The following AK8 variants were observed in gnomAD, a reference collection of about 807,000 sequenced individuals.
AK8 encodes the protein ATP-AMP transphosphorylase 8.
AK8 carries 44 observed loss-of-function variants against 54.6 expected under a neutral mutation model. That is an observed-to-expected ratio of 0.81 (90% CI 0.63 to 1.04). The LOEUF (loss-of-function observed/expected upper bound fraction) is 1.04. AK8 is among the 50% of genes least tolerant of loss of function. The pLI is 0.00. For synonymous variants in AK8, 239 were observed against 245.6 expected (o/e 0.97, Z 0.25); for missense variants, 555 against 613.6 (o/e 0.90, Z 1.01).
chr9:132,863,312 C>T (rs1053427089), intron 4 of AK8, among the ~76,000 whole-genome samples: 13 of 152,252 alleles, frequency 8.5e-5, no homozygotes, highest in African/African-American at 3.1e-4. Context: ...TCTCCTGGCG[C>T]GGGCCGCCAG....
Position 132,738,778 on chromosome 9 carries a change from G to T in AK8, c.1122-11244C>A, listed in dbSNP as rs1837234274. Among the ~76,000 whole-genome samples, 2 of 127,530 alleles carry T rather than the reference G, an allele frequency of 1.6e-5. 1 individual carries two copies. The highest frequency in any genetic ancestry group is 5.0e-4 in the South Asian group (2 of 3,996). The allele number at this position is 127,530 out of a possible 152,430, so 83.7% of individuals were successfully genotyped here. A position where few individuals can be genotyped will look rare whatever the true frequency, so the allele number is the denominator to read the frequency against. ...TTTTTTTTTTTTTTTTTTTGAGACA[G>T]GGTCTCACTCTGCCCCCCCAGGCTG... is the stretch of plus-strand genomic sequence containing the variant. On this transcript the variant is annotated intron_variant, in intron 11 of 12. Coordinates refer to ENST00000298545, the MANE Select transcript of AK8 (RefSeq NM_152572.3).
At chr9:132,750,181 C>T (rs531947348) in intron 11 of AK8, among the ~76,000 whole-genome samples, 20 of 151,906 alleles carry the variant, frequency 1.3e-4, no homozygotes, top group East Asian at 3.9e-4. Flanking sequence ...TGCAATGGTG[C>T]GATCTCGGCT....
chr9:132,821,726 CATATATGTATATTTGTATGT>C (rs1841625513), intron 9 of AK8, among the ~76,000 whole-genome samples: 4 of 99,866 alleles, frequency 4.0e-5, no homozygotes, highest in South Asian at 3.1e-4. Context: ...TATGTATATA[CATATATGTATATTTGTATGT>C]ATATACAAAT....
chr9:132,875,110 C>T lies in AK8; in HGVS notation c.169+5G>A, dbSNP rs770030549. 3.6e-5 allele frequency: 58 copies of T among 1,613,878 alleles called. No homozygotes were observed. The highest frequency in any genetic ancestry group is 4.8e-5 in the Non-Finnish European group (57 of 1,179,968). Reference sequence around the variant, plus strand: ...AGGAGGGGAAGAGCCCCAGCCAGTGCTCACCATTGTCGTTGTCTCTATGCA... The same window carrying T: ...AGGAGGGGAAGAGCCCCAGCCAGTGTTCACCATTGTCGTTGTCTCTATGCA... On this transcript the variant is annotated splice_donor_5th_base_variant and intron_variant, in intron 2 of 12. Coordinates refer to ENST00000298545, the MANE Select transcript of AK8 (RefSeq NM_152572.3).
At chr9:132,877,468 G>A (rs1378788311) in intron 1 of AK8, among the ~76,000 whole-genome samples, 1 of 152,188 alleles carries the variant, frequency 6.6e-6, no homozygotes, top group East Asian at 1.9e-4. Flanking sequence ...TTGCCTCTCA[G>A]AACCTTTGAG....
intron 11 of AK8, among the ~76,000 whole-genome samples, chr9:132,743,090 C>T (rs976314151): frequency 2.0e-5 from 3 of 152,202 alleles, no homozygotes; most frequent in Admixed American, 6.5e-5. Flanking sequence ...TTTAGCTCCC[C>T]GGGGCTGTGC....
intron 5 of AK8, among the ~76,000 whole-genome samples, chr9:132,847,063 C>T (rs1239460137): frequency 6.6e-6 from 1 of 152,232 alleles, no homozygotes; most frequent in Non-Finnish European, 1.5e-5. Flanking sequence ...GAGACTTCTG[C>T]CTTCCAGTGG....
intron 5 of AK8, among the ~76,000 whole-genome samples, chr9:132,832,886 TG>T (rs1564427798): frequency 6.6e-6 from 1 of 152,022 alleles, no homozygotes; most frequent in East Asian, 1.9e-4. Flanking sequence ...AGGAAGAAGG[TG>T]GGGGGCTCTG....
chr9:132,758,653 T>A (rs1590205545), intron 11 of AK8, among the ~76,000 whole-genome samples: 2 of 152,010 alleles, frequency 1.3e-5, no homozygotes, highest in East Asian at 3.9e-4. Flanking sequence ...GAGATGGTTT[T>A]TCGCCATGTT....
At position 132,874,152 on chromosome 9, in the gene AK8, G is replaced by C. The variant is rs571259439; in HGVS notation, c.169+963C>G. On this transcript the variant is annotated intron_variant, in intron 2 of 12. Coordinates refer to ENST00000298545, the MANE Select transcript of AK8 (RefSeq NM_152572.3). ...CAGAGGCTCAGAAAAGGGCCTTTTT[G>C]TTGGCCCTTTGTGGGGTCTCTCTCT... is the stretch of plus-strand genomic sequence containing the variant. 3.9e-5 allele frequency among the ~76,000 whole-genome samples: 6 copies of C among 152,312 alleles called. No individual in the cohort carries two copies. In the East Asian group the frequency reaches 9.6e-4, roughly 24 times the overall value.
At chr9:132,812,563 C>CACTGGGATGACGGGT (rs1564415180) in intron 10 of AK8, among the ~76,000 whole-genome samples, 16 of 150,678 alleles carry the variant, frequency 1.1e-4, no homozygotes, top group South Asian at 2.1e-4. Flanking sequence ...CCGCCGCGCC[C>CACTGGGATGACGGGT]GGCCGCTAGG....
At chr9:132,747,345 T>A (rs1376104980) in intron 11 of AK8, among the ~76,000 whole-genome samples, 1 of 151,952 alleles carries the variant, frequency 6.6e-6, no homozygotes, top group Non-Finnish European at 1.5e-5. Context: ...TTCACCATGT[T>A]GGTTTCACCA....
At chr9:132,756,812 C>T (rs1838209395) in intron 11 of AK8, among the ~76,000 whole-genome samples, 1 of 152,080 alleles carries the variant, frequency 6.6e-6, no homozygotes. Flanking sequence ...TTCCGCACCC[C>T]CATAAAACGA....
At chr9:132,808,705 G>T (rs1840844107) in intron 10 of AK8, among the ~76,000 whole-genome samples, 1 of 152,220 alleles carries the variant, frequency 6.6e-6, no homozygotes, top group African/African-American at 2.4e-5. Context: ...GATGGTGACT[G>T]TGAGGGTGGC....
rs1842243473 is a variant in AK8 at position 132,834,652 on chromosome 9, AACAGTGATTATGCTCTT to A, written c.403-5943_403-5927del. Among the ~76,000 whole-genome samples, 7 of 152,316 alleles carry A rather than the reference AACAGTGATTATGCTCTT, an allele frequency of 4.6e-5. No individual in the cohort carries two copies. The South Asian group carries it at 1.4e-3, about 32-fold the overall frequency. ...TGCCTGACCTTTTTCTGGGCAGCCT[AACAGTGATTATGCTCTT>A]ACAACGCCGAAATATGCAGGAGTGA... On this transcript the variant is annotated intron_variant, in intron 5 of 12. Coordinates refer to ENST00000298545, the MANE Select transcript of AK8 (RefSeq NM_152572.3).
At chr9:132,746,047 G>A (rs574196322) in intron 11 of AK8, among the ~76,000 whole-genome samples, 13 of 152,306 alleles carry the variant, frequency 8.5e-5, no homozygotes, top group Admixed American at 5.2e-4. Context: ...GAGCAACGGG[G>A]ATGTCGAGTT....
rs1564392729 is a variant in AK8 at position 132,770,632 on chromosome 9, T to TGGGGCAGCGCGG, written c.1121+21990_1121+22001dup. Among the ~76,000 whole-genome samples the TGGGGCAGCGCGG allele has an allele frequency of 2.0e-5, 3 of 151,942 alleles. No individual in the cohort carries two copies. The highest frequency in any genetic ancestry group is 3.9e-4 in the East Asian group (2 of 5,156). The stretch of plus-strand genomic sequence containing the variant: ...AGCCGGTCCCATTTCAACAGAGACC[T>TGGGGCAGCGCGG]GGGGCAGCGCGGTGGGCAGCGGGCT... On this transcript the variant is annotated intron_variant, in intron 11 of 12. Transcript: ENST00000298545. The surrounding 1 kb of genome is among the most constrained non-coding windows in gnomAD (Gnocchi z 4.3).
chr9:132,870,620 G>A (rs987246555), intron 2 of AK8, among the ~76,000 whole-genome samples: 32 of 152,252 alleles, frequency 2.1e-4, no homozygotes, highest in African/African-American at 7.5e-4. Flanking sequence ...CGGCGAAGGG[G>A]CTGCCAGCCC....
At chr9:132,813,001 C>T (rs867082966) in intron 10 of AK8, among the ~76,000 whole-genome samples, 24 of 102,996 alleles carry the variant, frequency 2.3e-4, no homozygotes, top group South Asian at 6.8e-4. Flanking sequence ...GGACCAGACC[C>T]GCTCACTGCC....
Sources: gnomAD v4.1 joint callset for allele counts (sites outside exome capture counted in the v4.1 genomes callset) on GRCh38, gnomAD v4.1.1 for gene constraint, Gnocchi (gnomAD v3.1) non-coding constraint, MANE v1.5 for transcripts, NCBI Gene and HGNC (gene_info 2026-07-23, HGNC 2026-07-21) for gene names.